CNOT2: variants seen among roughly 807,000 people sequenced by gnomAD.
CNOT2 encodes the protein CC chemokine receptor 4-negative regulator of transcription 2.
Under a neutral mutation model 72.1 loss-of-function variants are expected in CNOT2, and 7 were observed. The observed-to-expected ratio is 0.10, with a 90% CI of 0.06 to 0.18. CNOT2 has a LOEUF of 0.18. CNOT2 is among the 10% of genes least tolerant of loss of function. The pLI, the probability that CNOT2 is intolerant of heterozygous loss-of-function variation, is 1.00. For missense variants in CNOT2, 345 were observed against 660.3 expected (o/e 0.52, Z 5.23); for synonymous variants, 196 against 225.6 (o/e 0.87, Z 1.17).
chr12:70,308,590 A>T (rs1432441697), intron 2 of CNOT2, among the ~76,000 whole-genome samples: 49 of 140,320 alleles, frequency 3.5e-4, no homozygotes, highest in East Asian at 3.0e-3. Context: ...TCTCTCACAC[A>T]CACACACACA....
chr12:70,327,906 T>C (rs1879338630), intron 4 of CNOT2, among the ~76,000 whole-genome samples: 1 of 151,938 alleles, frequency 6.6e-6, no homozygotes, highest in Non-Finnish European at 1.5e-5. Context: ...ACAGATTTCT[T>C]CTGAAGAAAT....
intron 1 of CNOT2, among the ~76,000 whole-genome samples, chr12:70,263,845 G>GT (rs1958896213): frequency 6.6e-6 from 1 of 152,140 alleles, no homozygotes; most frequent in African/African-American, 2.4e-5. Flanking sequence ...TTGTTTGCTT[G>GT]TTTAATGGCT....
intron 2 of CNOT2, among the ~76,000 whole-genome samples, chr12:70,307,384 CT>C (rs1358082374): frequency 6.6e-6 from 1 of 151,336 alleles, no homozygotes; most frequent in Non-Finnish European, 1.5e-5. Context: ...TGTTTTTTTA[CT>C]TTTTAGATGT....
At position 70,338,742 on chromosome 12, in the gene CNOT2, A is replaced by T; in HGVS notation, c.1098A>T (p.Ala366=). ...GMIGLLTFIR[A]AETDPGMVHL... is the part of the protein sequence containing the mutation. ...TTGGCCTGTTAACATTTATCAGGGC[A>T]GCAGAGACAGACCCAGGAATGGTAC... is the stretch of plus-strand genomic sequence containing the variant. The change falls in exon 11 of 16, where the codon GCA becomes GCT. Residue 366 remains alanine, a synonymous_variant. Coordinates refer to ENST00000229195, the MANE Select transcript of CNOT2 (RefSeq NM_014515.7). The T allele has an allele frequency of 1.2e-6, 2 of 1,613,516 alleles. No homozygotes were observed. Among genetic ancestry groups the T allele is most frequent in the South Asian group, 2.2e-5 (2 of 91,074 alleles).
At chr12:70,316,119 A>C (rs974746464) in intron 3 of CNOT2, among the ~76,000 whole-genome samples, 3 of 152,140 alleles carry the variant, frequency 2.0e-5, no homozygotes, top group Non-Finnish European at 4.4e-5. Context: ...GAAACCAAGT[A>C]TTGGTTGTTC....
At chr12:70,260,521 A>AT (rs1958693458) in intron 1 of CNOT2, among the ~76,000 whole-genome samples, 1 of 152,094 alleles carries the variant, frequency 6.6e-6, no homozygotes, top group African/African-American at 2.4e-5. Flanking sequence ...CTTAATTATT[A>AT]TAAAACATTA....
At chr12:70,256,476 A>G (rs77251912) in intron 1 of CNOT2, among the ~76,000 whole-genome samples, 4,458 of 151,176 alleles carry the variant, frequency 0.029, 144 homozygotes, top group African/African-American at 0.068. Context: ...GTATATTGAT[A>G]TGTATTATTA....
At chr12:70,338,191 G>A in intron 9 of CNOT2, 1 of 309,376 alleles carries the variant, frequency 3.2e-6, no homozygotes, top group Non-Finnish European at 5.9e-6. Context: ...TTCTGTGACT[G>A]AAGATCTGAG....
rs938695021 is a variant in CNOT2 at position 70,341,980 on chromosome 12, T to C, written c.1179-127T>C. On this transcript the variant is annotated intron_variant, in intron 11 of 15. Transcript: ENST00000229195. ...CTTCATTTGCTTCTGTATAAGTCAG[T>C]AAACCCAAGTAAGGGAATTAGAAGT... 1.3e-4 allele frequency: 94 copies of C among 715,358 alleles called. No homozygotes were observed. In the Admixed American group the frequency reaches 1.4e-3, roughly 11 times the overall value. The allele number at this position is 715,358 out of a possible 1,614,324, so 44.3% of individuals were successfully genotyped here. A position where few individuals can be genotyped will look rare whatever the true frequency, so the allele number is the denominator to read the frequency against.
chr12:70,330,624 A>T, intron 6 of CNOT2, 155 bp downstream of exon 6: 1 of 459,092 alleles, frequency 2.2e-6, no homozygotes, highest in East Asian at 3.4e-5. Context: ...CCATCACAAA[A>T]CGATACGTTT....
intron 9 of CNOT2, 183 bp from the exon 10 acceptor site, chr12:70,338,260 T>C (rs962210007): frequency 8.2e-6 from 4 of 486,014 alleles, no homozygotes; most frequent in South Asian, 4.2e-5. Flanking sequence ...GTGGATGATA[T>C]AGGATTTATT....
At chr12:70,267,209 C>T (rs1959094118) in intron 1 of CNOT2, among the ~76,000 whole-genome samples, 1 of 152,026 alleles carries the variant, frequency 6.6e-6, no homozygotes, top group African/African-American at 2.4e-5. Context: ...GAAATTTATT[C>T]TTTCATGGTT....
In CNOT2 at chr12:70,265,421, A is replaced by G. The variant is rs144632500; in HGVS notation, c.-95-12711A>G. Among the ~76,000 whole-genome samples, 69 of 151,470 alleles carry G rather than the reference A, an allele frequency of 4.6e-4. No individual in the cohort carries two copies. The East Asian group carries it at 0.012, about 27-fold the overall frequency. On this transcript the variant is annotated intron_variant, in intron 1 of 15. Coordinates refer to ENST00000229195, the MANE Select transcript of CNOT2 (RefSeq NM_014515.7). Reference sequence around the variant, plus strand: ...GTTTTTTGAGGAATAGGTGCATTTCATCTAAGTTGCTGATTTTATTTTTAT... The same window carrying G: ...GTTTTTTGAGGAATAGGTGCATTTCGTCTAAGTTGCTGATTTTATTTTTAT...
intron 1 of CNOT2, among the ~76,000 whole-genome samples, chr12:70,271,139 C>T (rs2135777803): frequency 6.6e-6 from 1 of 152,260 alleles, no homozygotes; most frequent in South Asian, 2.1e-4. Context: ...GTCAGCTTGT[C>T]CACAGGCTAG....
intron 4 of CNOT2, 62 bp from the exon 5 acceptor site, chr12:70,329,361 A>C: frequency 1.4e-6 from 2 of 1,392,470 alleles, no homozygotes; most frequent in Non-Finnish European, 2.0e-6. Flanking sequence ...CAACTCCAGA[A>C]GATGGATAAC....
intron 1 of CNOT2, among the ~76,000 whole-genome samples, chr12:70,273,330 C>G (rs1022452266): frequency 2.0e-5 from 3 of 151,840 alleles, no homozygotes; most frequent in African/African-American, 7.3e-5. Flanking sequence ...TTTTAGTCAA[C>G]AGCATTTTGA....
In CNOT2 at chr12:70,253,651, T is replaced by C. The variant is rs564520093; in HGVS notation, c.-96+10171T>C. On this transcript the variant is annotated intron_variant, in intron 1 of 15. Coordinates refer to ENST00000229195, the MANE Select transcript of CNOT2 (RefSeq NM_014515.7). ...GTATTGAAGAGCCTCAGCTGTTTGA[T>C]AATTTATACCTCCCAGTGTTGCTGA... Among the ~76,000 whole-genome samples the C allele has an allele frequency of 2.8e-4, 42 of 152,344 alleles. 1 individual carries two copies. Among genetic ancestry groups the C allele is most frequent in the African/African-American group, 1.0e-3 (42 of 41,588 alleles).
At chr12:70,333,923 TTAACAG>T (rs1199698565) in intron 7 of CNOT2, among the ~76,000 whole-genome samples, 1 of 151,960 alleles carries the variant, frequency 6.6e-6, no homozygotes, top group African/African-American at 2.4e-5. Flanking sequence ...GTGATGTAAA[TTAACAG>T]TAAAGATGTC....
chr12:70,338,168 T>C (rs568251549), intron 9 of CNOT2: 3 of 278,468 alleles, frequency 1.1e-5, no homozygotes, highest in Middle Eastern at 1.2e-3. Context: ...GAGAAAGAGA[T>C]AGATTTTTTT....
Sources: gnomAD v4.1 joint callset for allele counts (sites outside exome capture counted in the v4.1 genomes callset) on GRCh38, gnomAD v4.1.1 for gene constraint, MANE v1.5 for transcripts, NCBI Gene and HGNC (gene_info 2026-07-23, HGNC 2026-07-21) for gene names.